Variants in RASGEF1A observed in about 807,000 individuals in gnomAD.
The protein encoded by RASGEF1A is ras-GEF domain-containing family member 1A.
Under a neutral mutation model 56.4 loss-of-function variants are expected in RASGEF1A, and 18 were observed. The ratio of observed to expected loss-of-function variants is 0.32; its 90% CI spans 0.22 to 0.47. RASGEF1A has a LOEUF of 0.47. Ranked by LOEUF, RASGEF1A falls within the 20% of genes least tolerant of loss-of-function variation. RASGEF1A has a pLI of 1.00. For missense variants in RASGEF1A, 422 were observed against 627.1 expected (o/e 0.67, Z 3.49); for synonymous variants, 245 against 242.6 (o/e 1.01, Z -0.09).
chr10:43,219,077 C>G (rs1840173767), intron 1 of RASGEF1A, among the ~76,000 whole-genome samples: 1 of 152,132 alleles, frequency 6.6e-6, no homozygotes, highest in Non-Finnish European at 1.5e-5. Flanking sequence ...TCAAGAGGCC[C>G]AAGGATGCAG....
At chr10:43,252,441 C>T (rs915430677) in intron 1 of RASGEF1A, among the ~76,000 whole-genome samples, 4 of 151,892 alleles carry the variant, frequency 2.6e-5, no homozygotes, top group East Asian at 1.9e-4. Context: ...TACGGGGCTG[C>T]GGGACAGGCC....
At position 43,210,721 on chromosome 10, in the gene RASGEF1A, A is replaced by G. The variant is rs529397151; in HGVS notation, c.-6-4599T>C. 3.9e-5 allele frequency among the ~76,000 whole-genome samples: 6 copies of G among 152,352 alleles called. No individual in the cohort carries two copies. The East Asian group carries it at 1.2e-3, about 29-fold the overall frequency. ...AGGCAGCAGACCCTGTGAAGGGCTC[A>G]GGAAGCACCCTCCTCCCACCCAGGA... On this transcript the variant is annotated intron_variant, in intron 1 of 12. Transcript: ENST00000395810.
At chr10:43,254,524 C>G (rs1840665720) in intron 1 of RASGEF1A, among the ~76,000 whole-genome samples, 1 of 152,244 alleles carries the variant, frequency 6.6e-6, no homozygotes, top group Non-Finnish European at 1.5e-5. Context: ...CACCGCTAAC[C>G]CCCGCCCCCG....
chr10:43,247,336 T>A (rs1196487238), intron 1 of RASGEF1A, among the ~76,000 whole-genome samples: 1 of 74,740 alleles, frequency 1.3e-5, no homozygotes, highest in Non-Finnish European at 2.6e-5. Flanking sequence ...TGCAATCTAT[T>A]CAGAAAATGA....
intron 1 of RASGEF1A, among the ~76,000 whole-genome samples, chr10:43,226,286 A>G (rs1398961424): frequency 6.6e-6 from 1 of 152,188 alleles, no homozygotes; most frequent in Non-Finnish European, 1.5e-5. Context: ...TACTAAAAAT[A>G]CAAAATTAGC....
At position 43,199,040 on chromosome 10, in the gene RASGEF1A, G is replaced by GC. The variant is rs779406467; in HGVS notation, c.953-29dup. The GC allele has an allele frequency of 3.1e-6, 5 of 1,598,648 alleles. No homozygotes were observed. The African/African-American group carries it at 6.7e-5, about 21-fold the overall frequency. The stretch of plus-strand genomic sequence containing the variant: ...GCAGAGGACAGCAGGTAGGGTCAGG[G>GC]CCGGGGGGGTGGGCCATGCAGCAGC... On this transcript the variant is annotated intron_variant, in intron 8 of 12. Coordinates refer to ENST00000395810, the MANE Select transcript of RASGEF1A (RefSeq NM_145313.4).
intron 1 of RASGEF1A, among the ~76,000 whole-genome samples, chr10:43,231,440 C>CCCCACATGGGGTCAGAGCAGT (rs1364881975): frequency 2.6e-5 from 4 of 152,240 alleles, no homozygotes; most frequent in Admixed American, 6.5e-5. Flanking sequence ...GTTGGCCCTG[C>CCCCACATGGGGTCAGAGCAGT]TGCCTCCTGA....
intron 1 of RASGEF1A, among the ~76,000 whole-genome samples, chr10:43,225,925 C>A (rs1840274174): frequency 6.6e-6 from 1 of 152,126 alleles, no homozygotes; most frequent in Non-Finnish European, 1.5e-5. Flanking sequence ...ACTTACCGGC[C>A]CAAGGCTGGG....
At chr10:43,227,838 C>T (rs943325834) in intron 1 of RASGEF1A, among the ~76,000 whole-genome samples, 1 of 152,134 alleles carries the variant, frequency 6.6e-6, no homozygotes, top group Non-Finnish European at 1.5e-5. Flanking sequence ...GCCAGCCTGA[C>T]CTTCCCCATC....
intron 1 of RASGEF1A, among the ~76,000 whole-genome samples, chr10:43,213,680 G>A (rs1032440875): frequency 1.3e-5 from 2 of 152,168 alleles, no homozygotes; most frequent in Non-Finnish European, 2.9e-5. Context: ...AGGCTGGAGT[G>A]CAGTGGCACG....
In RASGEF1A at chr10:43,196,090, G is replaced by T; in HGVS notation, c.*154C>A. 1 of 705,498 alleles carries T rather than the reference G, an allele frequency of 1.4e-6. No individual in the cohort carries two copies. The highest frequency in any genetic ancestry group is 2.3e-6 in the Non-Finnish European group (1 of 429,746). The allele number at this position is 705,498 out of a possible 1,614,324, so 43.7% of individuals were successfully genotyped here. ...AAAAAAAACTTTGTAAGTGCCAAAG[G>T]TTGATGCGTGAAATAATTACCATTT... On this transcript the variant is annotated 3_prime_UTR_variant, in exon 13 of 13. Coordinates refer to ENST00000395810, the MANE Select transcript of RASGEF1A (RefSeq NM_145313.4). This position sits in a 1 kb window ranked among gnomAD's most constrained non-coding sequence, Gnocchi z 4.6.
intron 1 of RASGEF1A, among the ~76,000 whole-genome samples, chr10:43,248,781 T>A (rs1840594907): frequency 6.6e-6 from 1 of 152,214 alleles, no homozygotes; most frequent in Non-Finnish European, 1.5e-5. Context: ...AATAACTGTA[T>A]CTTGAGGGCT....
intron 7 of RASGEF1A, among the ~76,000 whole-genome samples, 174 bp from the exon 8 acceptor site, chr10:43,199,368 G>A (rs944098511): frequency 1.3e-5 from 2 of 152,166 alleles, no homozygotes; most frequent in African/African-American, 4.8e-5. Context: ...CACGGCCTAT[G>A]CTCAGGCTCC....
intron 1 of RASGEF1A, among the ~76,000 whole-genome samples, chr10:43,235,596 C>G (rs940897540): frequency 4.2e-4 from 64 of 152,244 alleles, no homozygotes; most frequent in African/African-American, 1.5e-3. Flanking sequence ...AGGCGCCATC[C>G]TCAGAGATCC....
chr10:43,223,755 G>C (rs1052259706), intron 1 of RASGEF1A, among the ~76,000 whole-genome samples: 1 of 151,998 alleles, frequency 6.6e-6, no homozygotes, highest in African/African-American at 2.4e-5. Context: ...GGAGGGCCAG[G>C]CACCCTGGAT....
chr10:43,208,865 C>T lies in RASGEF1A; in HGVS notation c.-6-2743G>A, dbSNP rs550791222. 1.6e-5 allele frequency: 16 copies of T among 985,592 alleles called. No homozygotes were observed. The African/African-American group carries it at 2.6e-4, about 16-fold the overall frequency. 61.1% of individuals were successfully genotyped at this position (985,592 alleles called of 1,614,324 possible). A position where few individuals can be genotyped will look rare whatever the true frequency, so the allele number is the denominator to read the frequency against. On this transcript the variant is annotated intron_variant, in intron 1 of 12. Transcript: ENST00000395810. The stretch of plus-strand genomic sequence containing the variant: ...GGCAGGTTCCCTACATGGCTTTTCC[C>T]GGGCAGGAATGCCGGCCCTGCAGCA...
intron 1 of RASGEF1A, among the ~76,000 whole-genome samples, chr10:43,232,736 T>C (rs2503844): frequency 0.76 from 116,074 of 152,054 alleles, 44,479 homozygotes; most frequent in East Asian, 0.96. Flanking sequence ...ATCTGCCCAC[T>C]TCAGCTTCCC....
chr10:43,255,689 C>A (rs1840679958), intron 1 of RASGEF1A, among the ~76,000 whole-genome samples: 1 of 152,200 alleles, frequency 6.6e-6, no homozygotes, highest in Non-Finnish European at 1.5e-5. Flanking sequence ...CTGGTCAGGG[C>A]CAGAGTTAAA....
intron 1 of RASGEF1A, among the ~76,000 whole-genome samples, chr10:43,241,583 T>A (rs879496575): frequency 2.0e-5 from 3 of 150,846 alleles, no homozygotes; most frequent in African/African-American, 4.9e-5. Context: ...AAGACAGAAA[T>A]TAAAATGGTA....
Sources: gnomAD v4.1 joint callset for allele counts (sites outside exome capture counted in the v4.1 genomes callset) on GRCh38, gnomAD v4.1.1 for gene constraint, Gnocchi (gnomAD v3.1) non-coding constraint, MANE v1.5 for transcripts, NCBI Gene and HGNC (gene_info 2026-07-23, HGNC 2026-07-21) for gene names.